SIGLEC1: variants seen among roughly 807,000 people sequenced by gnomAD.
SIGLEC1 encodes sialic acid binding Ig like lectin 1.
A neutral mutation model predicts 148.0 loss-of-function variants in SIGLEC1; 132 were observed. That is an observed-to-expected ratio of 0.89 (90% CI 0.77 to 1.03). SIGLEC1 has a LOEUF of 1.03. Ranked by LOEUF, SIGLEC1 falls within the 50% of genes least tolerant of loss-of-function variation. The probability of loss-of-function intolerance (pLI) is 0.00; values close to 1 mark genes in which losing one functional copy is unlikely to be tolerated. For synonymous variants in SIGLEC1, 945 were observed against 969.0 expected (o/e 0.98, Z 0.46); for missense variants, 2,253 against 2,271.4 (o/e 0.99, Z 0.16).
chr20:3,691,423 C>T lies in SIGLEC1; in HGVS notation c.4508G>A (p.Arg1503His), dbSNP rs777852419. The stretch of plus-strand genomic sequence containing the variant: ...GCAGTGGTACATCCCAGCTTGAGCA[C>T]GAGCCACGTGGGTGAAGGCGAGAGT... The part of the protein sequence containing the change: ...VPTLAFTHVA[R>H]AQAGMYHCLA... Residue 1503 changes from arginine to histidine, a missense_variant, in exon 18 of 22, where the codon CGT (arginine) becomes CAT (histidine). Transcript: ENST00000344754. 14 of 1,613,178 alleles carry T rather than the reference C, an allele frequency of 8.7e-6. No individual in the cohort carries two copies. The highest frequency in any genetic ancestry group is 5.3e-5 in the African/African-American group (4 of 74,952).
intron 7 of SIGLEC1, among the ~76,000 whole-genome samples, chr20:3,700,451 G>A (rs1023800736): frequency 6.6e-6 from 1 of 151,510 alleles, no homozygotes; most frequent in African/African-American, 2.4e-5. Context: ...TGGGTGTGGT[G>A]ACATGGGCCG....
chr20:3,705,350 T>C (rs6076542), intron 4 of SIGLEC1, among the ~76,000 whole-genome samples: 4,080 of 152,318 alleles, frequency 0.027, 83 homozygotes, highest in Non-Finnish European at 0.038. Context: ...TCTATTGTTA[T>C]CTTCGTCATA....
chr20:3,689,947 GCCCC>G lies in SIGLEC1; in HGVS notation c.4894+11_4894+14del. The G allele has an allele frequency of 6.2e-7, 1 of 1,600,848 alleles. No individual in the cohort carries two copies. The highest frequency in any genetic ancestry group is 8.5e-7 in the Non-Finnish European group (1 of 1,171,314). On this transcript the variant is annotated intron_variant, in intron 19 of 21. Coordinates refer to ENST00000344754, the MANE Select transcript of SIGLEC1 (RefSeq NM_023068.4). ...TGTGCAGAGTGGCCTGGGAGATGGA[GCCCC>G]CTCCCCTCACCTCTGACCCCAAAGT...
intron 4 of SIGLEC1, among the ~76,000 whole-genome samples, chr20:3,704,681 A>G (rs2087879544): frequency 6.6e-6 from 1 of 152,248 alleles, no homozygotes; most frequent in South Asian, 2.1e-4. Flanking sequence ...CAGAGGCACA[A>G]TCATAGCTCA....
In SIGLEC1 at chr20:3,693,648, C is replaced by G. The variant is rs1402813985; in HGVS notation, c.3307G>C (p.Val1103Leu). ...PGATVREGQLVNLTCLVWTTH... is the reference protein window; with the variant it reads ...PGATVREGQLLNLTCLVWTTH... ...GTCCACACAAGGCAGGTCAGGTTCA[C>G]CAGCTGCCCCTCCCGCACGGTAGCC... The change falls in exon 14 of 22, where the codon GTG (valine) becomes CTG (leucine). Residue 1103 changes from valine (V) to leucine (L), a missense_variant. Val to Leu is a conservative substitution (Grantham distance 32, BLOSUM62 1). Transcript: ENST00000344754. 2 of 1,609,938 alleles carry G rather than the reference C, an allele frequency of 1.2e-6. No homozygotes were observed.
At chr20:3,699,648 T>C in intron 7 of SIGLEC1, among the ~76,000 whole-genome samples, 189 bp from the exon 8 acceptor site, 1 of 152,150 alleles carries the variant, frequency 6.6e-6, no homozygotes, top group Admixed American at 6.5e-5. Context: ...TGCAGCATGG[T>C]TGAAGATTCA....
In SIGLEC1 at chr20:3,691,461, C is replaced by T. The variant is rs374275120; in HGVS notation, c.4470G>A (p.Ala1490=). ...TGAAGGCGAGAGTGGGCACAGGCTCCGCGTGCAGCCGCCGGTCATTCCAGA... is the reference window on the plus strand; with the variant it reads ...TGAAGGCGAGAGTGGGCACAGGCTCTGCGTGCAGCCGCCGGTCATTCCAGA... ...AWFWNDRRLH[A]EPVPTLAFTH... Residue 1490 remains alanine (A), a synonymous_variant, in exon 18 of 22, where the codon GCG becomes GCA. Transcript: ENST00000344754. 98 of 1,613,124 alleles carry T rather than the reference C, an allele frequency of 6.1e-5. No homozygotes were observed. Among genetic ancestry groups the T allele is most frequent in the African/African-American group, 8.0e-5 (6 of 75,074 alleles).
chr20:3,711,426 C>G (rs78859190), intron 1 of SIGLEC1, among the ~76,000 whole-genome samples: 7,610 of 152,144 alleles, frequency 0.05, 345 homozygotes, highest in East Asian at 0.19. Context: ...ATTCCAGAGG[C>G]CAAGTTTAGC....
rs956375964 is a variant in SIGLEC1 at position 3,700,497 on chromosome 20, T to C, written c.1528+845A>G. Among the ~76,000 whole-genome samples the C allele has an allele frequency of 1.6e-4, 25 of 151,784 alleles. No individual in the cohort carries two copies. The East Asian group carries it at 4.9e-3, about 30-fold the overall frequency. ...TATTTGGGAGGCTGAGATGGGAGGA[T>C]GGCTTGAGCCCAGGAGTTTGAGGCT... On this transcript the variant is annotated intron_variant, in intron 7 of 21. Transcript: ENST00000344754.
rs372247265 is a variant in SIGLEC1 at position 3,705,817 on chromosome 20, G to A, written c.633C>T (p.His211=). 77 of 1,613,908 alleles carry A rather than the reference G, an allele frequency of 4.8e-5. No homozygotes were observed. Among genetic ancestry groups the A allele is most frequent in the Middle Eastern group, 1.6e-4 (1 of 6,082 alleles). Residue 211 remains histidine (H), a synonymous_variant, in exon 4 of 22, where the codon CAC becomes CAT. Coordinates refer to ENST00000344754, the MANE Select transcript of SIGLEC1 (RefSeq NM_023068.4). ...AGAGCTGGCAGCGCAGGATCCGGCCGTGGTCCTGCCAGGACATGGCCATGT... is the reference window on the plus strand; with the variant it reads ...AGAGCTGGCAGCGCAGGATCCGGCCATGGTCCTGCCAGGACATGGCCATGT... ...TLHMAMSWQD[H]GRILRCQLSV...
intron 11 of SIGLEC1, among the ~76,000 whole-genome samples, chr20:3,696,129 T>TATATATACACACAC (rs11087599): frequency 3.5e-5 from 5 of 142,516 alleles, no homozygotes; most frequent in South Asian, 2.3e-4. Context: ...ACTATATATA[T>TATATATACACACAC]ACACACACAC....
Position 3,692,580 on chromosome 20 carries a change from C to T in SIGLEC1, c.3971G>A (p.Cys1324Tyr). The change falls in exon 16 of 22, where the codon TGC becomes TAC. Residue 1324 changes from cysteine to tyrosine, a missense_variant. Coordinates refer to ENST00000344754, the MANE Select transcript of SIGLEC1 (RefSeq NM_023068.4). ...ATRAHAGAYS[C>Y]QAQDAQGTRS... ...GGTGCCCTGGGCATCCTGGGCCTGG[C>T]AAGAGTAGGCGCCTGCATGAGCCCG... 1.2e-6 allele frequency: 2 copies of T among 1,611,346 alleles called. No homozygotes were observed. Among genetic ancestry groups the T allele is most frequent in the Non-Finnish European group, 8.5e-7 (1 of 1,179,848 alleles).
chr20:3,687,859 C>G lies in SIGLEC1; in HGVS notation c.*701G>C, dbSNP rs562296002. ...CTTGCAGTAGCCATGTGACAATACT[C>G]CAGCCAATGGGAAGTGAGTGGAAAA... On this transcript the variant is annotated 3_prime_UTR_variant, in exon 22 of 22. Transcript: ENST00000344754. 1 of 153,314 alleles carries G rather than the reference C, an allele frequency of 6.5e-6. No homozygotes were observed. The highest frequency in any genetic ancestry group is 1.9e-4 in the East Asian group (1 of 5,182). 9.5% of individuals were successfully genotyped at this position (153,314 alleles called of 1,614,324 possible). A position where few individuals can be genotyped will look rare whatever the true frequency, so the allele number is the denominator to read the frequency against.
chr20:3,710,263 C>T lies in SIGLEC1; in HGVS notation c.-110+2207G>A, dbSNP rs768052008. On this transcript the variant is annotated intron_variant, in intron 1 of 21. Coordinates refer to ENST00000344754, the MANE Select transcript of SIGLEC1 (RefSeq NM_023068.4). The surrounding 1 kb of genome is among the most constrained non-coding windows in gnomAD (Gnocchi z 4.6). ...CACCTGGGAAGGGGGTGAGCCGAGG[C>T]CCAGGGCCAGTCAGGCTGACCAGGT... Among the ~76,000 whole-genome samples the T allele has an allele frequency of 6.6e-6, 1 of 152,160 alleles. No homozygotes were observed. The highest frequency in any genetic ancestry group is 6.5e-5 in the Admixed American group (1 of 15,286).
chr20:3,703,893 A>T lies in SIGLEC1; in HGVS notation c.905T>A (p.Val302Asp), dbSNP rs552930713. 6.4e-5 allele frequency: 103 copies of T among 1,614,028 alleles called. 2 individuals carry two copies. The South Asian group carries it at 1.1e-3, about 17-fold the overall frequency. The part of the protein sequence containing the change: ...LPQAAWSDAG[V>D]YTCQAENGVG... Reference sequence around the variant, plus strand: ...GCCGTTCTCAGCTTGGCAGGTGTAGACGCCAGCATCGCTCCAGGCTGCCTG... The same window carrying T: ...GCCGTTCTCAGCTTGGCAGGTGTAGTCGCCAGCATCGCTCCAGGCTGCCTG... The change falls in exon 5 of 22, where the codon GTC becomes GAC. Residue 302 changes from valine (V) to aspartate (D), a missense_variant. Val to Asp is a radical substitution (Grantham distance 152, BLOSUM62 -3). Transcript: ENST00000344754.
At chr20:3,692,290 G>A in intron 16 of SIGLEC1, 88 bp from the exon 17 acceptor site, 1 of 1,358,656 alleles carries the variant, frequency 7.4e-7, no homozygotes, top group South Asian at 1.5e-5. Flanking sequence ...TCAGGCTGAG[G>A]CCTCTGGACC....
At chr20:3,695,321 G>A (rs556364) in intron 11 of SIGLEC1, among the ~76,000 whole-genome samples, 1,134 of 152,318 alleles carry the variant, frequency 7.4e-3, no homozygotes, top group Middle Eastern at 0.01. Flanking sequence ...AGATCATCCC[G>A]GGGCCATTGT....
At position 3,697,800 on chromosome 20, in the gene SIGLEC1, T is replaced by G; in HGVS notation, c.2120A>C (p.Gln707Pro). The G allele has an allele frequency of 6.2e-7, 1 of 1,612,600 alleles. No individual in the cohort carries two copies. The highest frequency in any genetic ancestry group is 8.5e-7 in the Non-Finnish European group (1 of 1,179,830). Residue 707 changes from glutamine to proline, a missense_variant and splice_region_variant, in exon 9 of 22, where the codon CAG (glutamine) becomes CCG (proline). Coordinates refer to ENST00000344754, the MANE Select transcript of SIGLEC1 (RefSeq NM_023068.4). ...CACCCATTCCCTGCCTGACTCACCC[T>G]GGCCATTGAAGGTGGCTGAGGTGGA... ...NASTSATFNG[Q>P]ATVLAIAPSH... is the part of the protein sequence containing the mutation.
Position 3,689,695 on chromosome 20 carries a change from G to A in SIGLEC1, c.4902C>T (p.His1634=). The A allele has an allele frequency of 6.3e-7, 1 of 1,574,952 alleles. No individual in the cohort carries two copies. Among genetic ancestry groups the A allele is most frequent in the East Asian group, 2.3e-5 (1 of 43,252 alleles). Reference sequence around the variant, plus strand: ...GCAGCTGCTGGAACTGATGCAGGCGGTGCAGGGCTGGAACACAGAGCGGGA... The same window carrying A: ...GCAGCTGCTGGAACTGATGCAGGCGATGCAGGGCTGGAACACAGAGCGGGA... The part of the protein sequence containing the change: ...TSTYFGVRAL[H]RLHQFQQLLW... Residue 1634 remains histidine, a synonymous_variant, in exon 20 of 22, where the codon CAC becomes CAT. Transcript: ENST00000344754.
Sources: allele counts gnomAD v4.1 joint callset (sites outside exome capture counted in the v4.1 genomes callset), GRCh38; gene constraint gnomAD v4.1.1; non-coding constraint Gnocchi (gnomAD v3.1); transcripts MANE v1.5; gene names NCBI Gene and HGNC (gene_info 2026-07-23, HGNC 2026-07-21).